LPP: variants seen among roughly 807,000 people sequenced by gnomAD.
LPP encodes LIM domain containing preferred translocation partner in lipoma, also known as lipoma-preferred partner.
Under a neutral mutation model 60.4 loss-of-function variants are expected in LPP, and 38 were observed. The observed-to-expected ratio is 0.63, with a 90% confidence interval of 0.49 to 0.83. The LOEUF (loss-of-function observed/expected upper bound fraction) is 0.83. Ranked by LOEUF, LPP falls within the 40% of genes least tolerant of loss-of-function variation. LPP has a pLI of 0.00. For missense variants in LPP, 902 were observed against 783.6 expected, an observed-to-expected ratio of 1.15 and a Z score of -1.80; for synonymous variants, 328 against 290.8, an observed-to-expected ratio of 1.13 and a Z score of -1.30.
At chr3:188,678,096 A>G (rs1017040645) in intron 7 of LPP, among the ~76,000 whole-genome samples, 2 of 152,204 alleles carry the variant, frequency 1.3e-5, no homozygotes, top group African/African-American at 4.8e-5. Context: ...GAAATTTCCC[A>G]GAAGCAGCAA....
At chr3:188,390,690 A>G (rs544801733) in intron 3 of LPP, among the ~76,000 whole-genome samples, 1 of 152,010 alleles carries the variant, frequency 6.6e-6, no homozygotes, top group African/African-American at 2.4e-5. Flanking sequence ...TGTCTGACAC[A>G]TAAGGAAATT....
At chr3:188,454,114 C>T (rs544924586) in intron 4 of LPP, among the ~76,000 whole-genome samples, 1 of 152,216 alleles carries the variant, frequency 6.6e-6, no homozygotes, top group South Asian at 2.1e-4. Flanking sequence ...GTTACTATTC[C>T]CACTTTACAT....
chr3:188,345,957 C>T (rs1205897863), intron 3 of LPP, among the ~76,000 whole-genome samples: 1 of 152,130 alleles, frequency 6.6e-6, no homozygotes, highest in African/African-American at 2.4e-5. Flanking sequence ...CTCTGAGCTG[C>T]ACTTTCTCCA....
intron 6 of LPP, among the ~76,000 whole-genome samples, chr3:188,579,072 A>G (rs921992268): frequency 1.1e-4 from 16 of 152,200 alleles, no homozygotes; most frequent in Non-Finnish European, 1.9e-4. Context: ...TAAACTTATG[A>G]TAATTCACAT....
chr3:188,489,250 A>G (rs1807586812), intron 5 of LPP, among the ~76,000 whole-genome samples: 1 of 152,208 alleles, frequency 6.6e-6, no homozygotes, highest in Admixed American at 6.5e-5. Context: ...ATACACAGTC[A>G]TTTAAGTCAT....
At chr3:188,363,227 G>GT (rs1770050830) in intron 3 of LPP, among the ~76,000 whole-genome samples, 1 of 151,840 alleles carries the variant, frequency 6.6e-6, no homozygotes. Flanking sequence ...TCCACGCCCG[G>GT]TTTTTTGCTA....
chr3:188,673,269 G>A (rs1462384050), intron 7 of LPP, among the ~76,000 whole-genome samples: 1 of 151,816 alleles, frequency 6.6e-6, no homozygotes, highest in Non-Finnish European at 1.5e-5. Flanking sequence ...AGGGCCCTGT[G>A]AGCTTGGTCA....
Position 188,888,446 on chromosome 3 carries a change from C to T in LPP, c.*13967C>T. On this transcript the variant is annotated 3_prime_UTR_variant, in exon 12 of 12. Coordinates refer to ENST00000617246, the MANE Select transcript of LPP (RefSeq NM_001375462.1). ...TCCAAGTCTGCCTTTTTAACAGCTA[C>T]AGTTAAGTTGGCAAGACTTCCCCAG... The T allele has an allele frequency of 4.4e-6, 1 of 227,778 alleles. No homozygotes were observed. The allele number at this position is 227,778 out of a possible 1,614,324, so 14.1% of individuals were successfully genotyped here. A position where few individuals can be genotyped will look rare whatever the true frequency, so the allele number is the denominator to read the frequency against.
In LPP at chr3:188,886,043, T is replaced by G. The variant is rs1270101889; in HGVS notation, c.*11564T>G. The G allele has an allele frequency of 1.3e-5, 2 of 151,788 alleles. No homozygotes were observed. The highest frequency in any genetic ancestry group is 1.3e-4 in the Admixed American group (2 of 15,218). The allele number at this position is 151,788 out of a possible 1,614,324, so 9.4% of individuals were successfully genotyped here. On this transcript the variant is annotated 3_prime_UTR_variant, in exon 12 of 12. Coordinates refer to ENST00000617246, the MANE Select transcript of LPP (RefSeq NM_001375462.1). ...GGAAATCATCATTCTCAGTAAACTA[T>G]CTCAAGGACAAAAAACCAAACACCA...
intron 5 of LPP, among the ~76,000 whole-genome samples, chr3:188,497,241 T>C (rs113087578): frequency 1.5e-3 from 226 of 152,280 alleles, no homozygotes; most frequent in Non-Finnish European, 2.9e-3. Flanking sequence ...CATCAGGATG[T>C]GATTTGGGGT....
At chr3:188,594,549 G>A (rs565273506) in intron 6 of LPP, among the ~76,000 whole-genome samples, 2 of 152,252 alleles carry the variant, frequency 1.3e-5, no homozygotes, top group South Asian at 4.1e-4. Context: ...TTTTTACCCA[G>A]TAGCTGGCAA....
chr3:188,835,470 T>G (rs76914353), intron 9 of LPP, among the ~76,000 whole-genome samples: 2 of 146,906 alleles, frequency 1.4e-5, no homozygotes, highest in East Asian at 4.0e-4. Context: ...AAAAAAAAAA[T>G]CAGCTGGTGG....
At chr3:188,557,189 A>C (rs1304908549) in intron 6 of LPP, among the ~76,000 whole-genome samples, 1 of 151,992 alleles carries the variant, frequency 6.6e-6, no homozygotes, top group Non-Finnish European at 1.5e-5. Flanking sequence ...TGCCTTTAAC[A>C]TCTTCAGACG....
At chr3:188,527,406 C>T (rs958732532) in intron 6 of LPP, among the ~76,000 whole-genome samples, 2 of 149,306 alleles carry the variant, frequency 1.3e-5, no homozygotes, top group Non-Finnish European at 3.0e-5. Flanking sequence ...CTACAGACAG[C>T]GTGTAGACAC....
intron 4 of LPP, among the ~76,000 whole-genome samples, chr3:188,463,216 G>A (rs1002250073): frequency 3.3e-5 from 5 of 152,044 alleles, no homozygotes; most frequent in African/African-American, 1.2e-4. Context: ...TTAGACATAG[G>A]ATCTCACTCT....
intron 4 of LPP, among the ~76,000 whole-genome samples, chr3:188,446,931 T>C (rs1795363883): frequency 6.6e-6 from 1 of 152,350 alleles, no homozygotes; most frequent in Admixed American, 6.5e-5. Flanking sequence ...CAAGAGCAGG[T>C]GCTGGTGACC....
At chr3:188,525,154 A>G (rs1178449764) in intron 6 of LPP, among the ~76,000 whole-genome samples, 2 of 151,400 alleles carry the variant, frequency 1.3e-5, no homozygotes, top group African/African-American at 4.9e-5. Flanking sequence ...TTTAGTAGAG[A>G]CCGGGTTTCA....
At chr3:188,425,139 G>A (rs1248848198) in intron 4 of LPP, among the ~76,000 whole-genome samples, 1 of 152,124 alleles carries the variant, frequency 6.6e-6, no homozygotes, top group Non-Finnish European at 1.5e-5. Flanking sequence ...AGTTTATTGA[G>A]AGTTTTTAGC....
At chr3:188,350,960 C>G (rs927436886) in intron 3 of LPP, among the ~76,000 whole-genome samples, 2 of 152,136 alleles carry the variant, frequency 1.3e-5, no homozygotes, top group Non-Finnish European at 2.9e-5. Flanking sequence ...AGCACGTACC[C>G]CTTCTCCCAC....
Sources: gnomAD v4.1 joint callset for allele counts (sites outside exome capture counted in the v4.1 genomes callset) on GRCh38, gnomAD v4.1.1 for gene constraint, MANE v1.5 for transcripts, NCBI Gene and HGNC (gene_info 2026-07-23, HGNC 2026-07-21) for gene names.